PDE1A: variants seen among roughly 807,000 people sequenced by gnomAD.
PDE1A encodes the protein dual specificity calcium/calmodulin-dependent 3',5'-cyclic nucleotide phosphodiesterase 1A.
In PDE1A, 35 loss-of-function variants were observed where a neutral mutation model predicts 61.7. The ratio of observed to expected loss-of-function variants is 0.57; its 90% CI spans 0.43 to 0.75. PDE1A has a LOEUF of 0.75. Among genes scored for constraint, PDE1A ranks in the 30% least tolerant of loss-of-function variants. The probability of loss-of-function intolerance (pLI) is 0.00; values close to 1 mark genes in which losing one functional copy is unlikely to be tolerated. For synonymous variants in PDE1A, 232 were observed against 213.2 expected, an observed-to-expected ratio of 1.09 and a Z score of -0.77; for missense variants, 597 against 630.6, an observed-to-expected ratio of 0.95 and a Z score of 0.57.
At chr2:182,646,391 C>A in the PDE1A span, among the ~76,000 whole-genome samples, 1,119 of 106,462 alleles carry the variant, frequency 0.011, no homozygotes, top group African/African-American at 0.011. Context: ...GGTGAAGGTT[C>A]AAAAAAAAAA....
At chr2:182,479,070 A>T (rs1471648002) in intron 2 of PDE1A, among the ~76,000 whole-genome samples, 5 of 151,934 alleles carry the variant, frequency 3.3e-5, no homozygotes, top group Non-Finnish European at 7.4e-5. Context: ...GTTAGAAGTG[A>T]GGAAAAAGGA....
chr2:182,468,981 T>G lies in PDE1A; in HGVS notation c.101+53295A>C, dbSNP rs991805640. ...TTCAGTAAACCTTGCTGTAAACAGA[T>G]GTACTGTTATCCAGCTTCATTGTTG... On this transcript the variant is annotated intron_variant, in intron 2 of 14. Transcript: ENST00000410103. Among the ~76,000 whole-genome samples the G allele has an allele frequency of 3.9e-5, 6 of 151,984 alleles. No homozygotes were observed. In the East Asian group the frequency reaches 1.2e-3, roughly 29 times the overall value.
At chr2:182,476,648 T>G (rs1438715216) in intron 2 of PDE1A, among the ~76,000 whole-genome samples, 1 of 151,942 alleles carries the variant, frequency 6.6e-6, no homozygotes, top group African/African-American at 2.4e-5. Flanking sequence ...TAATGTGGAA[T>G]GTTGCAGGAT....
chr2:182,410,472 T>C (rs1365913199), intron 1 of PDE1A, among the ~76,000 whole-genome samples: 1 of 152,236 alleles, frequency 6.6e-6, no homozygotes, highest in Admixed American at 6.5e-5. Flanking sequence ...GCATATTTTA[T>C]GAATTCTTTC....
At chr2:182,493,520 G>T (rs910693458) in intron 2 of PDE1A, among the ~76,000 whole-genome samples, 1 of 152,146 alleles carries the variant, frequency 6.6e-6, no homozygotes, top group Non-Finnish European at 1.5e-5. Flanking sequence ...CTATGAGTGA[G>T]AACATGCAGT....
chr2:182,425,810 C>A (rs1340156198), intron 1 of PDE1A, among the ~76,000 whole-genome samples: 1 of 152,116 alleles, frequency 6.6e-6, no homozygotes, highest in Non-Finnish European at 1.5e-5. Context: ...TGATATATAA[C>A]TGACTTTCTT....
chr2:182,509,718 G>T (rs1202991252), intron 2 of PDE1A, among the ~76,000 whole-genome samples: 1 of 152,150 alleles, frequency 6.6e-6, no homozygotes, highest in African/African-American at 2.4e-5. Context: ...TTACTACTAT[G>T]ATTCAATTTT....
At chr2:182,146,250 A>G (rs919019994), downstream of PDE1A, among the ~76,000 whole-genome samples, 2 of 152,200 alleles carry the variant, frequency 1.3e-5, no homozygotes, top group African/African-American at 4.8e-5. Flanking sequence ...TGGTAGACTG[A>G]AAACAAGCCC....
At chr2:182,453,954 A>G (rs1685712138) in intron 2 of PDE1A, among the ~76,000 whole-genome samples, 2 of 151,822 alleles carry the variant, frequency 1.3e-5, no homozygotes, top group African/African-American at 2.4e-5. Context: ...AGGGTATTCA[A>G]TTAGGAAAAG....
chr2:182,290,551 T>A (rs993600693), intron 1 of PDE1A, among the ~76,000 whole-genome samples: 2 of 151,886 alleles, frequency 1.3e-5, no homozygotes, highest in African/African-American at 4.8e-5. Flanking sequence ...GAATAAAGAA[T>A]CCAGCCTCCC....
chr2:182,342,201 G>C (rs765276660), intron 1 of PDE1A, among the ~76,000 whole-genome samples: 4 of 152,108 alleles, frequency 2.6e-5, no homozygotes, highest in South Asian at 4.1e-4. Flanking sequence ...TCACTTCTTT[G>C]TACTATACCT....
chr2:182,563,049 A>C, the PDE1A span, among the ~76,000 whole-genome samples: 1 of 151,956 alleles, frequency 6.6e-6, no homozygotes, highest in Middle Eastern at 3.4e-3. Flanking sequence ...TTGTGTCTCT[A>C]TTTCCTTCAG....
the PDE1A span, among the ~76,000 whole-genome samples, chr2:182,648,727 G>A: frequency 5.4e-5 from 8 of 147,846 alleles, no homozygotes; most frequent in Admixed American, 4.7e-4. Flanking sequence ...AAAAATTCAA[G>A]ACAAGGCAGT....
chr2:182,172,077 C>G (rs1263783094), intron 13 of PDE1A, among the ~76,000 whole-genome samples: 3 of 151,970 alleles, frequency 2.0e-5, no homozygotes, highest in African/African-American at 7.2e-5. Flanking sequence ...TTTTGGGGAA[C>G]AACCCTTACA....
At chr2:182,246,565 C>A (rs950777146) in intron 2 of PDE1A, among the ~76,000 whole-genome samples, 5 of 151,920 alleles carry the variant, frequency 3.3e-5, no homozygotes, top group Middle Eastern at 3.4e-3. Flanking sequence ...CCACACCCAG[C>A]TAATTTTTTG....
chr2:182,402,030 A>C (rs997652737), intron 1 of PDE1A, among the ~76,000 whole-genome samples: 2 of 152,182 alleles, frequency 1.3e-5, no homozygotes, highest in African/African-American at 2.4e-5. Flanking sequence ...GAGAAGACAC[A>C]AACAAATGGA....
At chr2:182,666,504 A>G in the PDE1A span, among the ~76,000 whole-genome samples, 2 of 151,944 alleles carry the variant, frequency 1.3e-5, no homozygotes, top group Admixed American at 6.6e-5. Context: ...GCTACTCAGG[A>G]GGCTGATGCA....
intron 1 of PDE1A, among the ~76,000 whole-genome samples, chr2:182,270,158 G>A (rs1692916418): frequency 1.3e-5 from 2 of 152,028 alleles, no homozygotes; most frequent in African/African-American, 4.8e-5. Context: ...TAACGATCAG[G>A]ACACATAAAA....
chr2:182,305,517 G>T (rs1381137378), intron 1 of PDE1A, among the ~76,000 whole-genome samples: 1 of 152,010 alleles, frequency 6.6e-6, no homozygotes, highest in Admixed American at 6.6e-5. Context: ...TTTTTTCATG[G>T]TCTAAAATTC....
Sources: allele counts gnomAD v4.1 joint callset (sites outside exome capture counted in the v4.1 genomes callset), GRCh38; gene constraint gnomAD v4.1.1; transcripts MANE v1.5; gene names NCBI Gene and HGNC (gene_info 2026-07-23, HGNC 2026-07-21).